Variants in DOCK8 observed in about 807,000 individuals in gnomAD.
DOCK8 encodes the protein dedicator of cytokinesis protein 8.
In DOCK8, 141 loss-of-function variants were observed where a neutral mutation model predicts 245.6. That is an observed-to-expected ratio of 0.57 (90% confidence interval 0.50 to 0.66). The LOEUF is 0.66. Among genes scored for constraint, DOCK8 ranks in the 30% least tolerant of loss-of-function variants. The pLI is 0.00. For synonymous variants in DOCK8, 1,168 were observed against 970.2 expected (o/e 1.20, Z -3.79); for missense variants, 2,965 against 2,603.4 (o/e 1.14, Z -3.02).
intron 11 of DOCK8, among the ~76,000 whole-genome samples, chr9:335,139 A>C (rs1383762166): frequency 6.6e-6 from 1 of 152,204 alleles, no homozygotes; most frequent in Non-Finnish European, 1.5e-5. Context: ...CAGTTCGTTA[A>C]AGTTTACTTT....
At chr9:452,834 CAGTT>C (rs1260838227) in intron 46 of DOCK8, 3 of 152,190 alleles carry the variant, frequency 2.0e-5, no homozygotes, top group Non-Finnish European at 4.4e-5. Flanking sequence ...CAAGAGCAGT[CAGTT>C]AGGAACTGGG....
intron 4 of DOCK8, among the ~76,000 whole-genome samples, chr9:304,057 A>G (rs1414330256): frequency 2.0e-5 from 3 of 152,220 alleles, no homozygotes; most frequent in Admixed American, 1.3e-4. Flanking sequence ...ATTATTCAAC[A>G]CAACTTTAAC....
intron 1 of DOCK8, among the ~76,000 whole-genome samples, chr9:226,139 G>T (rs899608406): frequency 2.6e-5 from 4 of 152,204 alleles, no homozygotes; most frequent in African/African-American, 9.6e-5. Context: ...AGTTCCACAT[G>T]GCTGGGGAGG....
chr9:341,669 C>T (rs1420260196), intron 14 of DOCK8, among the ~76,000 whole-genome samples: 2 of 152,190 alleles, frequency 1.3e-5, no homozygotes, highest in Non-Finnish European at 2.9e-5. Flanking sequence ...TCTTCATATT[C>T]ATTTAAAATG....
intron 26 of DOCK8, among the ~76,000 whole-genome samples, chr9:399,774 C>T (rs918643151): frequency 6.6e-6 from 1 of 151,974 alleles, no homozygotes; most frequent in East Asian, 1.9e-4. Context: ...TCAGTGCCAT[C>T]CCCCCAGATT....
chr9:445,506 G>A (rs187881486), intron 43 of DOCK8, among the ~76,000 whole-genome samples: 1 of 152,270 alleles, frequency 6.6e-6, no homozygotes, highest in East Asian at 1.9e-4. Context: ...ATGAGGCCTA[G>A]GCAGTAAAAT....
chr9:448,886 C>T (rs561914034), intron 44 of DOCK8, among the ~76,000 whole-genome samples: 288 of 152,290 alleles, frequency 1.9e-3, no homozygotes, highest in Middle Eastern at 3.4e-3. Flanking sequence ...AAAGACTCTA[C>T]CCCAAACCAG....
intron 38 of DOCK8, among the ~76,000 whole-genome samples, 171 bp from the exon 39 acceptor site, chr9:434,612 G>A (rs973774642): frequency 3.9e-5 from 6 of 152,086 alleles, no homozygotes; most frequent in African/African-American, 1.4e-4. Flanking sequence ...AAAATAGTTG[G>A]ACTAATAAAT....
chr9:213,696 G>C (rs1029252460), upstream of DOCK8: 7 of 150,852 alleles, frequency 4.6e-5, no homozygotes, highest in Non-Finnish European at 1.0e-4. Flanking sequence ...ATATTAAATA[G>C]TGCAGGTTTG....
At chr9:431,017 C>T (rs2056690024) in intron 36 of DOCK8, among the ~76,000 whole-genome samples, 1 of 148,876 alleles carries the variant, frequency 6.7e-6, no homozygotes, top group African/African-American at 2.4e-5. Flanking sequence ...GGATTACAGG[C>T]ACGAGCCACC....
intron 1 of DOCK8, chr9:220,857 A>G: frequency 6.5e-6 from 2 of 306,468 alleles, no homozygotes; most frequent in Non-Finnish European, 1.3e-5. Context: ...AGTAGCTGAG[A>G]TTACAGGTGC....
At chr9:280,328 C>T (rs867676196) in intron 2 of DOCK8, among the ~76,000 whole-genome samples, 1 of 152,086 alleles carries the variant, frequency 6.6e-6, no homozygotes, top group African/African-American at 2.4e-5. Context: ...GTTTCTTTAG[C>T]CTAGTGTCTG....
At chr9:452,783 A>C (rs2057508486) in intron 46 of DOCK8, 1 of 152,284 alleles carries the variant, frequency 6.6e-6, no homozygotes, top group Admixed American at 6.5e-5. Context: ...ATGTCAGACA[A>C]GTCTCATCTC....
intron 7 of DOCK8, among the ~76,000 whole-genome samples, chr9:317,869 A>T (rs2050413950): frequency 6.6e-6 from 1 of 152,210 alleles, no homozygotes; most frequent in African/African-American, 2.4e-5. Context: ...TAAACACCAT[A>T]TAATTAAAAC....
intron 23 of DOCK8, among the ~76,000 whole-genome samples, chr9:389,142 G>A (rs1296079899): frequency 6.6e-6 from 1 of 152,182 alleles, no homozygotes; most frequent in Non-Finnish European, 1.5e-5. Context: ...GACTGAGGGA[G>A]TCCCCAAGAT....
intron 32 of DOCK8, 38 bp from the exon 33 acceptor site, chr9:422,010 G>C: frequency 6.5e-7 from 1 of 1,544,528 alleles, no homozygotes; most frequent in Non-Finnish European, 9.0e-7. Flanking sequence ...AGGGTTTCAT[G>C]CTAATCAAAT....
At chr9:235,672 C>T (rs1320200436) in intron 1 of DOCK8, among the ~76,000 whole-genome samples, 4 of 152,204 alleles carry the variant, frequency 2.6e-5, no homozygotes, top group Admixed American at 6.5e-5. Context: ...CAGCAATGAG[C>T]GAGAGTCCAT....
intron 1 of DOCK8, among the ~76,000 whole-genome samples, chr9:267,731 T>C (rs563464228): frequency 6.6e-6 from 1 of 152,350 alleles, no homozygotes; most frequent in East Asian, 1.9e-4. Flanking sequence ...AATTTATATT[T>C]TTGTCATTTT....
chr9:311,453 G>A (rs1016398307), intron 5 of DOCK8, among the ~76,000 whole-genome samples: 1 of 144,864 alleles, frequency 6.9e-6, no homozygotes, highest in Non-Finnish European at 1.5e-5. Flanking sequence ...GAGTCTCATT[G>A]TGTTGCCCAG....
Sources: allele counts gnomAD v4.1 joint callset (sites outside exome capture counted in the v4.1 genomes callset), GRCh38; gene constraint gnomAD v4.1.1; transcripts MANE v1.5; gene names NCBI Gene and HGNC (gene_info 2026-07-23, HGNC 2026-07-21).